PLSCR4: variants seen among roughly 807,000 people sequenced by gnomAD.
The protein encoded by PLSCR4 is phospholipid scramblase 4, also known as Ca(2+)-dependent phospholipid scramblase 4.
PLSCR4 carries 25 observed loss-of-function variants against 36.3 expected under a neutral mutation model. The ratio of observed to expected loss-of-function variants is 0.69; its 90% CI spans 0.50 to 0.96. PLSCR4 has a LOEUF of 0.96. Ranked by LOEUF, PLSCR4 falls within the 40% of genes least tolerant of loss-of-function variation. The probability of loss-of-function intolerance (pLI) is 0.00; values close to 1 mark genes in which losing one functional copy is unlikely to be tolerated. For missense variants in PLSCR4, 408 were observed against 414.7 expected, an observed-to-expected ratio of 0.98 and a Z score of 0.14; for synonymous variants, 122 against 132.9, an observed-to-expected ratio of 0.92 and a Z score of 0.56.
chr3:146,203,157 T>C (rs1380701865), intron 4 of PLSCR4, among the ~76,000 whole-genome samples: 1 of 152,052 alleles, frequency 6.6e-6, no homozygotes, highest in Non-Finnish European at 1.5e-5. Context: ...TGCCCAGATC[T>C]GTCTGAGAAA....
chr3:146,210,121 C>T (rs2034540791), intron 3 of PLSCR4, among the ~76,000 whole-genome samples: 1 of 152,028 alleles, frequency 6.6e-6, no homozygotes, highest in South Asian at 2.1e-4. Context: ...AGATTACTTA[C>T]AATAGCTAAC....
chr3:146,225,897 G>C (rs1007461844), intron 1 of PLSCR4, among the ~76,000 whole-genome samples: 1 of 152,220 alleles, frequency 6.6e-6, no homozygotes, highest in Non-Finnish European at 1.5e-5. Flanking sequence ...GGGCTGAAGG[G>C]CTCCTCAAAT....
At chr3:146,229,323 T>C (rs2035601945) in intron 1 of PLSCR4, among the ~76,000 whole-genome samples, 1 of 152,110 alleles carries the variant, frequency 6.6e-6, no homozygotes, top group Admixed American at 6.5e-5. Flanking sequence ...ACATCATATT[T>C]GCCTGACCTC....
intron 1 of PLSCR4, among the ~76,000 whole-genome samples, chr3:146,235,612 C>G (rs1472337207): frequency 6.6e-6 from 1 of 152,076 alleles, no homozygotes; most frequent in East Asian, 1.9e-4. Flanking sequence ...ATAAAGATAC[C>G]TGAAAATGTG....
intron 1 of PLSCR4, among the ~76,000 whole-genome samples, chr3:146,236,265 G>A (rs529182760): frequency 1.8e-3 from 276 of 152,162 alleles, no homozygotes; most frequent in African/African-American, 5.5e-3. Context: ...GAGGTCCCCA[G>A]AGTCATCAAT....
At chr3:146,206,115 TA>T (rs1219880493) in intron 4 of PLSCR4, among the ~76,000 whole-genome samples, 1 of 152,084 alleles carries the variant, frequency 6.6e-6, no homozygotes, top group Non-Finnish European at 1.5e-5. Flanking sequence ...TGGGTGGTGG[TA>T]AAAAGCAATG....
In PLSCR4 at chr3:146,192,768, T is replaced by G. The variant is rs1414586515; in HGVS notation, c.*1643A>C. On this transcript the variant is annotated 3_prime_UTR_variant, in exon 9 of 9. Coordinates refer to ENST00000354952, the MANE Select transcript of PLSCR4 (RefSeq NM_020353.3). ...AGTCTACTTACGATTGCAATGGCAC[T>G]TTCAAATATAAGGCAATTAATATTT... 6.6e-6 allele frequency: 1 copy of G among 151,976 alleles called. No individual in the cohort carries two copies. Among genetic ancestry groups the G allele is most frequent in the African/African-American group, 2.4e-5 (1 of 41,394 alleles). The allele number at this position is 151,976 out of a possible 1,614,324, so 9.4% of individuals were successfully genotyped here. A position where few individuals can be genotyped will look rare whatever the true frequency, so the allele number is the denominator to read the frequency against.
At chr3:146,244,398 T>A (rs79325803) in intron 1 of PLSCR4, among the ~76,000 whole-genome samples, 2,487 of 152,200 alleles carry the variant, frequency 0.016, 69 homozygotes, top group African/African-American at 0.056. Context: ...TCCATTTTTT[T>A]AAACAAATTG....
At chr3:146,248,848 T>C (rs1358246381) in intron 1 of PLSCR4, among the ~76,000 whole-genome samples, 3 of 152,196 alleles carry the variant, frequency 2.0e-5, no homozygotes, top group Admixed American at 6.5e-5. Context: ...CACTAAAAGT[T>C]TGTAAAATTA....
At chr3:146,216,978 C>T (rs553381785) in intron 3 of PLSCR4, among the ~76,000 whole-genome samples, 1 of 152,106 alleles carries the variant, frequency 6.6e-6, no homozygotes, top group African/African-American at 2.4e-5. Context: ...TCATGAAATT[C>T]TCCTAATACT....
At chr3:146,233,400 T>C (rs1190896980) in intron 1 of PLSCR4, among the ~76,000 whole-genome samples, 1 of 152,186 alleles carries the variant, frequency 6.6e-6, no homozygotes, top group African/African-American at 2.4e-5. Context: ...TAACTGTTGT[T>C]ACATTTCAAT....
intron 3 of PLSCR4, among the ~76,000 whole-genome samples, chr3:146,215,386 T>C (rs1461931692): frequency 2.6e-5 from 4 of 152,004 alleles, no homozygotes; most frequent in African/African-American, 9.7e-5. Flanking sequence ...AAGCCAATGA[T>C]TTAAAGATCC....
At chr3:146,234,219 C>G (rs980508595) in intron 1 of PLSCR4, among the ~76,000 whole-genome samples, 3 of 152,090 alleles carry the variant, frequency 2.0e-5, no homozygotes, top group Non-Finnish European at 2.9e-5. Context: ...TCTCTGGTAT[C>G]CCTGGCCCAA....
At chr3:146,210,733 A>G (rs2034571476) in intron 3 of PLSCR4, among the ~76,000 whole-genome samples, 1 of 152,080 alleles carries the variant, frequency 6.6e-6, no homozygotes, top group African/African-American at 2.4e-5. Flanking sequence ...CATACCCATT[A>G]GCAGCAATTT....
At chr3:146,201,350 A>G (rs2034039526) in intron 4 of PLSCR4, among the ~76,000 whole-genome samples, 1 of 152,080 alleles carries the variant, frequency 6.6e-6, no homozygotes, top group Non-Finnish European at 1.5e-5. Flanking sequence ...CAAAACATCT[A>G]CTTGCTGTAG....
At chr3:146,223,174 AAAG>A (rs1030736191) in intron 1 of PLSCR4, among the ~76,000 whole-genome samples, 20 of 152,220 alleles carry the variant, frequency 1.3e-4, no homozygotes, top group Admixed American at 9.2e-4. Context: ...AGAATAACTC[AAAG>A]AAGAAGACTA....
chr3:146,240,840 T>C (rs2036121787), intron 1 of PLSCR4, among the ~76,000 whole-genome samples: 1 of 152,200 alleles, frequency 6.6e-6, no homozygotes, highest in Non-Finnish European at 1.5e-5. Context: ...GTAATTTCTT[T>C]CTAGGTATAT....
intron 5 of PLSCR4, among the ~76,000 whole-genome samples, chr3:146,200,702 C>A (rs1465514923): frequency 2.0e-5 from 3 of 151,996 alleles, no homozygotes; most frequent in Non-Finnish European, 2.9e-5. Context: ...ACTGTGGTGT[C>A]CCTGGCTAAC....
chr3:146,205,125 T>G (rs2034252950), intron 4 of PLSCR4, among the ~76,000 whole-genome samples: 2 of 152,024 alleles, frequency 1.3e-5, no homozygotes, highest in South Asian at 4.1e-4. Context: ...AGGTAAGTAT[T>G]AAATTGGGAA....
Sources: allele counts gnomAD v4.1 joint callset (sites outside exome capture counted in the v4.1 genomes callset), GRCh38; gene constraint gnomAD v4.1.1; transcripts MANE v1.5; gene names NCBI Gene and HGNC (gene_info 2026-07-23, HGNC 2026-07-21).